The following ZFYVE26 variants were observed in gnomAD, a reference collection of about 807,000 sequenced individuals.
ZFYVE26 encodes zinc finger FYVE domain-containing protein 26.
ZFYVE26 carries 181 observed loss-of-function variants against 276.5 expected under a neutral mutation model. The observed-to-expected ratio is 0.65, with a 90% CI of 0.58 to 0.74. The LOEUF is 0.74. ZFYVE26 is among the 30% of genes least tolerant of loss of function. The pLI is 0.00. For synonymous variants in ZFYVE26, 1,129 were observed against 1,203.1 expected (o/e 0.94, Z 1.27); for missense variants, 2,821 against 3,097.9 (o/e 0.91, Z 2.12).
intron 21 of ZFYVE26, 116 bp downstream of exon 21, chr14:67,782,664 T>G (rs780499804): frequency 5.3e-3 from 7,829 of 1,475,698 alleles, no homozygotes; most frequent in Non-Finnish European, 6.6e-3. Context: ...CTTAATAACA[T>G]GAGATTATAG....
At position 67,793,625 on chromosome 14, in the gene ZFYVE26, A is replaced by G; in HGVS notation, c.2536T>C (p.Phe846Leu). Residue 846 changes from phenylalanine to leucine, a missense_variant, in exon 14 of 42, where the codon TTC becomes CTC. Coordinates refer to ENST00000347230, the MANE Select transcript of ZFYVE26 (RefSeq NM_015346.4). ...LLASCILRGN[F>L]AEAHQVLFTF... Reference sequence around the variant, plus strand: ...CCCCTCACCTGATGGGCTTCTGCGAAGTTCCCGCGAAGGATGCAGGATGCC... The same window carrying G: ...CCCCTCACCTGATGGGCTTCTGCGAGGTTCCCGCGAAGGATGCAGGATGCC... 1 of 1,613,750 alleles carries G rather than the reference A, an allele frequency of 6.2e-7. No individual in the cohort carries two copies. Among genetic ancestry groups the G allele is most frequent in the African/African-American group, 1.3e-5 (1 of 74,970 alleles).
Position 67,729,327 on chromosome 14 carries a change from C to T in ZFYVE26, n.3172G>A, listed in dbSNP as rs774560862. 5.6e-6 allele frequency: 9 copies of T among 1,599,524 alleles called. No homozygotes were observed. The highest frequency in any genetic ancestry group is 1.3e-5 in the African/African-American group (1 of 74,872). On this transcript the variant is annotated non_coding_transcript_exon_variant, in exon 14 of 15. Transcript: ENST00000394455. The stretch of plus-strand genomic sequence containing the variant: ...CGGCACGGGAGGGGGCGCAGACCAG[C>T]CTGCACTGCGCCCTGGCTGAGGGCC...
rs757050992 is a variant in ZFYVE26 at position 67,762,829 on chromosome 14, G to A, written c.6012-10C>T. The stretch of plus-strand genomic sequence containing the variant: ...TACCTTGCTGATGTAGCTACAAGGA[G>A]GAAAAGGGCAAGGCCATGAGGCTCC... On this transcript the variant is annotated splice_polypyrimidine_tract_variant and intron_variant, in intron 32 of 41. Coordinates refer to ENST00000347230, the MANE Select transcript of ZFYVE26 (RefSeq NM_015346.4). The A allele has an allele frequency of 3.1e-6, 5 of 1,613,594 alleles. No individual in the cohort carries two copies. Among genetic ancestry groups the A allele is most frequent in the Admixed American group, 3.3e-5 (2 of 60,014 alleles).
chr14:67,750,964 A>G, intron 41 of ZFYVE26, 88 bp downstream of exon 41: 1 of 1,507,932 alleles, frequency 6.6e-7, no homozygotes, highest in Non-Finnish European at 9.2e-7. Context: ...GTATGGAACT[A>G]TTGTGGGGAG....
rs1455130234 is a variant in ZFYVE26, at chr14:67,789,596, T to C, written c.2758A>G (p.Met920Val). The C allele has an allele frequency of 1.9e-6, 3 of 1,614,120 alleles. No homozygotes were observed. Among genetic ancestry groups the C allele is most frequent in the East Asian group, 2.2e-5 (1 of 44,886 alleles). ...ACGTCAGAGATAGAGTAAAACACCA[T>C]TCCTGGCCGCCCAGCAGAGGAATAA... ...QAIGSAAAAG[M>V]VFYSISDVTD... The change falls in exon 16 of 42, where the codon ATG (methionine) becomes GTG (valine). Residue 920 changes from methionine to valine, a missense_variant and splice_region_variant. Coordinates refer to ENST00000347230, the MANE Select transcript of ZFYVE26 (RefSeq NM_015346.4).
chr14:67,753,237 T>C (rs890505374), intron 39 of ZFYVE26, among the ~76,000 whole-genome samples: 2 of 152,214 alleles, frequency 1.3e-5, no homozygotes, highest in African/African-American at 4.8e-5. Flanking sequence ...CTGCCCCTCA[T>C]GGTCTCAGTG....
Position 67,761,436 on chromosome 14 carries a change from T to C in ZFYVE26, c.6518A>G (p.Asn2173Ser). ...CLFYLHNYST[N>S]LAIISFYVRH... is the part of the protein sequence containing the mutation. The stretch of plus-strand genomic sequence containing the variant: ...CACGTAGAAGCTGATGATGGCCAGG[T>C]TGGTGCTATAGTTGTGCAGGTAGAA... The change falls in exon 35 of 42, where the codon AAC becomes AGC. Residue 2173 changes from asparagine (N) to serine (S), a missense_variant. Asn to Ser is a conservative substitution (Grantham distance 46). Coordinates refer to ENST00000347230, the MANE Select transcript of ZFYVE26 (RefSeq NM_015346.4). The C allele has an allele frequency of 6.2e-7, 1 of 1,613,996 alleles. No individual in the cohort carries two copies. The highest frequency in any genetic ancestry group is 8.5e-7 in the Non-Finnish European group (1 of 1,179,988).
chr14:67,775,932 C>T lies in ZFYVE26; in HGVS notation c.5149G>A (p.Val1717Met). 1.2e-6 allele frequency: 2 copies of T among 1,614,212 alleles called. No homozygotes were observed. The highest frequency in any genetic ancestry group is 1.7e-4 in the Middle Eastern group (1 of 6,060). ...GCGTATCTGGAAAGCAGTGAGTCCA[C>T]CTCGTCCATAGTGAAGCCAATCTCC... ...GQEIGFTMDE[V>M]DSLLSRYAEK... The change falls in exon 26 of 42, where the codon GTG (valine) becomes ATG (methionine). Residue 1717 changes from valine to methionine, a missense_variant. Transcript: ENST00000347230.
chr14:67,733,710 C>T (rs764996921), intron 13 of ZFYVE26: 1 of 1,409,088 alleles, frequency 7.1e-7, no homozygotes, highest in South Asian at 1.2e-5. Context: ...TGCTAATTCT[C>T]ATTCCTGGAA....
chr14:67,756,099 T>C lies in ZFYVE26; in HGVS notation c.6635A>G (p.Tyr2212Cys), dbSNP rs764350102. 33 of 1,614,108 alleles carry C rather than the reference T, an allele frequency of 2.0e-5. No individual in the cohort carries two copies. Among genetic ancestry groups the C allele is most frequent in the Non-Finnish European group, 2.7e-5 (32 of 1,180,042 alleles). Reference sequence around the variant, plus strand: ...CAAAGTGTGTAGCTTCCCACTTTTATAGCTTGGTTGGAAAATGCCTTCTAT... The same window carrying C: ...CAAAGTGTGTAGCTTCCCACTTTTACAGCTTGGTTGGAAAATGCCTTCTAT... The part of the protein sequence containing the change: ...VFIEGIFQPS[Y>C]KSGKLHTLEN... The change falls in exon 36 of 42, where the codon TAT becomes TGT. Residue 2212 changes from tyrosine (Y) to cysteine (C), a missense_variant. Transcript: ENST00000347230.
At chr14:67,795,172 G>A (rs1446585243) in intron 12 of ZFYVE26, among the ~76,000 whole-genome samples, 1 of 152,216 alleles carries the variant, frequency 6.6e-6, no homozygotes, top group Non-Finnish European at 1.5e-5. Flanking sequence ...CCCTTTAGAA[G>A]GAACAGCCGT....
At chr14:67,771,725 G>A (rs535582457) in intron 28 of ZFYVE26, among the ~76,000 whole-genome samples, 1 of 152,246 alleles carries the variant, frequency 6.6e-6, no homozygotes, top group African/African-American at 2.4e-5. Context: ...CCACTGCTGG[G>A]TCACCAGTCT....
At position 67,735,062 on chromosome 14, in the gene ZFYVE26, C is replaced by T. The variant is rs1055205316; in HGVS notation, n.2680-5243G>A. On this transcript the variant is annotated intron_variant and non_coding_transcript_variant, in intron 13 of 14. Coordinates refer to the ZFYVE26 transcript ENST00000394455. ...GATTATTAGATGCACTTACAACCAA[C>T]AGCAAATGACACCAAATATCGGGAA... The T allele has an allele frequency of 1.7e-5, 12 of 692,692 alleles. No homozygotes were observed. In the Admixed American group the frequency reaches 2.0e-4, roughly 12 times the overall value. 42.9% of individuals were successfully genotyped at this position (692,692 alleles called of 1,614,324 possible). A position where few individuals can be genotyped will look rare whatever the true frequency, so the allele number is the denominator to read the frequency against.
chr14:67,771,833 A>T (rs2140207005), intron 28 of ZFYVE26, among the ~76,000 whole-genome samples: 1 of 152,336 alleles, frequency 6.6e-6, no homozygotes, highest in South Asian at 2.1e-4. Context: ...CAAAGATTTT[A>T]GAATTTATGG....
chr14:67,806,644 T>C lies in ZFYVE26; in HGVS notation c.918A>G (p.Ala306=). The change falls in exon 6 of 42, where the codon GCA becomes GCG. Residue 306 remains alanine, a synonymous_variant. Transcript: ENST00000347230. The part of the protein sequence containing the change: ...VSPDHLDPER[A]MLALFSNPNP... ...TGGGATTGGAGAACAGGGCTAGCAT[T>C]GCCCGCTCAGGATCTAGATGATCCG... The C allele has an allele frequency of 6.2e-7, 1 of 1,614,208 alleles. No individual in the cohort carries two copies. The highest frequency in any genetic ancestry group is 8.5e-7 in the Non-Finnish European group (1 of 1,180,020).
intron 10 of ZFYVE26, chr14:67,799,199 G>T: frequency 1.2e-6 from 2 of 1,607,130 alleles, no homozygotes; most frequent in South Asian, 2.2e-5. Flanking sequence ...AGGTTCAGAA[G>T]AAGAGCTGGC....
chr14:67,755,733 G>C (rs1013772360), intron 36 of ZFYVE26, among the ~76,000 whole-genome samples: 1 of 152,050 alleles, frequency 6.6e-6, no homozygotes, highest in African/African-American at 2.4e-5. Flanking sequence ...TCTGAAGAAT[G>C]CCTTTATTGA....
chr14:67,808,065 C>T (rs1335368769), intron 4 of ZFYVE26, 145 bp from the exon 5 acceptor site: 7 of 1,001,128 alleles, frequency 7.0e-6, no homozygotes, highest in Non-Finnish European at 1.0e-5. Flanking sequence ...ATGTGTTAGA[C>T]ATTGTTCTAA....
chr14:67,735,018 A>C (rs1326136899), intron 13 of ZFYVE26, among the ~76,000 whole-genome samples: 2 of 152,232 alleles, frequency 1.3e-5, no homozygotes, highest in African/African-American at 2.4e-5. Flanking sequence ...TTAAATCTGA[A>C]AGTTTCCATC....
Sources: gnomAD v4.1 joint callset for allele counts (sites outside exome capture counted in the v4.1 genomes callset) on GRCh38, gnomAD v4.1.1 for gene constraint, MANE v1.5 for transcripts, NCBI Gene and HGNC (gene_info 2026-07-23, HGNC 2026-07-21) for gene names.